The following PRB4 variants were observed in gnomAD, a reference collection of about 807,000 sequenced individuals.
The protein encoded by PRB4 is basic salivary proline-rich protein 4.
In PRB4, 14 loss-of-function variants were observed where a neutral mutation model predicts 9.1. That is an observed-to-expected ratio of 1.54 (90% CI 1.02 to 2.41). PRB4 has a LOEUF of 2.41. PRB4 is among the 30% of genes most tolerant of loss of function. The pLI, the probability that PRB4 is intolerant of heterozygous loss-of-function variation, is 0.00. For synonymous variants in PRB4, 102 were observed against 108.5 expected, an observed-to-expected ratio of 0.94 and a Z score of 0.37; for missense variants, 381 against 299.3, an observed-to-expected ratio of 1.27 and a Z score of -2.02.
intron 1 of PRB4, among the ~76,000 whole-genome samples, chr12:11,310,121 A>G (rs577348203): frequency 6.6e-6 from 1 of 152,096 alleles, no homozygotes; most frequent in Non-Finnish European, 1.5e-5. Flanking sequence ...TTACCTTCTC[A>G]TTCCCCTGGA....
chr12:11,309,298 A>G, intron 2 of PRB4, 72 bp downstream of exon 2: 2 of 1,609,710 alleles, frequency 1.2e-6, no homozygotes, highest in South Asian at 2.2e-5. Context: ...TGATAAGAAG[A>G]CACTGGAGAA....
rs77336955 is a variant in PRB4, at chr12:11,308,864, C to A, written c.119G>T (p.Arg40Leu). ...FLISGKPEGR[R>L]PQGGNQPQRP... ...TTGGGGCTGGTTTCCTCCTTGTGGG[C>A]GTCGTCCTTCTGGCTTTCCTGGAGG... Residue 40 changes from arginine to leucine, a missense_variant, in exon 3 of 4, where the codon CGC (arginine) becomes CTC (leucine). Transcript: ENST00000279575. 1 of 1,461,400 alleles carries A rather than the reference C, an allele frequency of 6.8e-7. No homozygotes were observed. The highest frequency in any genetic ancestry group is 9.1e-7 in the Non-Finnish European group (1 of 1,096,018). The allele number at this position is 1,461,400 out of a possible 1,614,324, so 90.5% of individuals were successfully genotyped here.
intron 1 of PRB4, among the ~76,000 whole-genome samples, chr12:11,309,627 CTT>C (rs761568423): frequency 6.6e-6 from 1 of 152,134 alleles, no homozygotes; most frequent in Non-Finnish European, 1.5e-5. Context: ...AGAACAGCCC[CTT>C]TTTTTCCTCC....
At position 11,310,377 on chromosome 12, in the gene PRB4, C is replaced by G. The variant is rs747779168; in HGVS notation, c.22G>C (p.Val8Leu). 10 of 1,614,254 alleles carry G rather than the reference C, an allele frequency of 6.2e-6. No homozygotes were observed. The East Asian group carries it at 8.9e-5, about 14-fold the overall frequency. The change falls in exon 1 of 4, where the codon GTG becomes CTG. Residue 8 changes from valine (V) to leucine (L), a missense_variant. Physicochemically the swap from Val to Leu is conservative, Grantham distance 32. This residue lies in a region of PRB4 where 151 missense variants were observed against 105.8 expected (regional missense o/e 1.43). Transcript: ENST00000279575. MLLILLS[V>L]ALLALSSAES... The stretch of plus-strand genomic sequence containing the variant: ...GCTGAGCTCAGGGCCAGCAGGGCCA[C>G]TGACAGCAGAATCAGCAGCATCTCG...
At chr12:11,309,248 T>C in intron 2 of PRB4, 122 bp downstream of exon 2, 1 of 1,526,060 alleles carries the variant, frequency 6.6e-7, no homozygotes, top group Non-Finnish European at 9.0e-7. Flanking sequence ...CCTATATCAT[T>C]AGGGGCAATA....
In PRB4 at chr12:11,309,359, T is replaced by C. The variant is rs762793257; in HGVS notation, c.100+11A>G. The C allele has an allele frequency of 1.2e-6, 2 of 1,613,966 alleles. No homozygotes were observed. Among genetic ancestry groups the C allele is most frequent in the Admixed American group, 1.7e-5 (1 of 59,994 alleles). The stretch of plus-strand genomic sequence containing the variant: ...GGAGTCAAAACAGATTGAGAATGAA[T>C]TGGGATTTACCTGATATTAGGAAGA... On this transcript the variant is annotated intron_variant, in intron 2 of 3. Coordinates refer to ENST00000279575, the MANE Select transcript of PRB4 (RefSeq NM_002723.6).
At chr12:11,309,704 T>C (rs142019852) in intron 1 of PRB4, among the ~76,000 whole-genome samples, 3,100 of 152,316 alleles carry the variant, frequency 0.02, 45 homozygotes, top group Non-Finnish European at 0.035. Context: ...ATGTGATATT[T>C]TGGTGTTCTT....
chr12:11,309,182 A>C (rs576809854), intron 2 of PRB4, among the ~76,000 whole-genome samples, 188 bp downstream of exon 2: 3 of 152,298 alleles, frequency 2.0e-5, no homozygotes, highest in Non-Finnish European at 4.4e-5. Context: ...AGCATCTCTG[A>C]CATTCCATTT....
At chr12:11,310,259 C>T in intron 1 of PRB4, 76 bp downstream of exon 1, 1 of 1,578,838 alleles carries the variant, frequency 6.3e-7, no homozygotes, top group Non-Finnish European at 8.7e-7. Flanking sequence ...TTTCATTCTC[C>T]TCTCTTCCCC....
At chr12:11,309,500 C>A (rs1461240923) in intron 1 of PRB4, 95 bp from the exon 2 acceptor site, 1 of 1,606,080 alleles carries the variant, frequency 6.2e-7, no homozygotes, top group South Asian at 1.1e-5. Flanking sequence ...TCACCACACC[C>A]CATGCATCCC....
intron 3 of PRB4, 87 bp downstream of exon 3, chr12:11,308,134 C>A (rs1862952507): frequency 4.8e-6 from 7 of 1,452,294 alleles, no homozygotes; most frequent in Non-Finnish European, 6.6e-6. Flanking sequence ...AATACAATGT[C>A]AATGGGTTTT....
chr12:11,308,962 G>A (rs921216790), intron 2 of PRB4, 80 bp from the exon 3 acceptor site: 3 of 1,563,790 alleles, frequency 1.9e-6, no homozygotes, highest in South Asian at 2.2e-5. Context: ...ATGGGGAAAT[G>A]CACAAAAATG....
chr12:11,307,291 A>G (rs1215729295), intron 3 of PRB4, 92 bp from the exon 4 acceptor site: 6 of 152,656 alleles, frequency 3.9e-5, no homozygotes, highest in Non-Finnish European at 5.9e-5. Context: ...AGATGAAGAG[A>G]AAAGACCATC....
chr12:11,309,379 G>C lies in PRB4; in HGVS notation c.91C>G (p.Leu31Val). The C allele has an allele frequency of 1.2e-6, 2 of 1,614,138 alleles. No homozygotes were observed. The highest frequency in any genetic ancestry group is 1.7e-6 in the Non-Finnish European group (2 of 1,179,982). The change falls in exon 2 of 4, where the codon CTA (leucine) becomes GTA (valine). Residue 31 changes from leucine to valine, a missense_variant. Physicochemically the swap from Leu to Val is conservative, Grantham distance 32. Transcript: ENST00000279575. ...EDVSQEESLF[L>V]ISGKPEGRRP... ...ATGAATTGGGATTTACCTGATATTA[G>C]GAAGAGAGATTCTTCCTGGCTGACA...
intron 1 of PRB4, among the ~76,000 whole-genome samples, chr12:11,309,655 A>G (rs541353295): frequency 2.0e-5 from 3 of 152,030 alleles, no homozygotes; most frequent in East Asian, 1.9e-4. Flanking sequence ...ATCCCTCAAG[A>G]CTTAATGCTT....
intron 2 of PRB4, 99 bp from the exon 3 acceptor site, chr12:11,308,981 A>T (rs1565780440): frequency 6.6e-7 from 1 of 1,521,290 alleles, no homozygotes; most frequent in African/African-American, 1.4e-5. Context: ...TGAGACCCAG[A>T]TACTAATTTC....
intron 2 of PRB4, 118 bp from the exon 3 acceptor site, chr12:11,309,000 T>G: frequency 6.9e-7 from 1 of 1,445,776 alleles, no homozygotes; most frequent in Non-Finnish European, 9.7e-7. Context: ...TCTTTGCATT[T>G]TCAGTGAAGC....
Position 11,308,242 on chromosome 12 carries a change from C to G in PRB4, c.741G>C (p.Gln247His). The change falls in exon 3 of 4, where the codon CAG becomes CAC. Residue 247 changes from glutamine to histidine, a missense_variant. By Grantham distance (24) the Gln-to-His change is conservative. This residue lies in a region of PRB4 where 204 missense variants were observed against 134.4 expected (regional missense o/e 1.52). Coordinates refer to ENST00000279575, the MANE Select transcript of PRB4 (RefSeq NM_002723.6). ...PRPAQGQQPPQ is the reference protein window; with the variant it reads ...PRPAQGQQPPH ...ATACCTGTCATTGAATCCTAGATTA[C>G]TGGGGAGGCTGTTGTCCCTGGGCAG... The G allele has an allele frequency of 6.2e-7, 1 of 1,610,306 alleles. No homozygotes were observed. Among genetic ancestry groups the G allele is most frequent in the Non-Finnish European group, 8.5e-7 (1 of 1,178,444 alleles).
chr12:11,309,180 T>A (rs1473142950), intron 2 of PRB4, among the ~76,000 whole-genome samples, 190 bp downstream of exon 2: 1 of 152,212 alleles, frequency 6.6e-6, no homozygotes, highest in Non-Finnish European at 1.5e-5. Context: ...CAAGCATCTC[T>A]GACATTCCAT....
Sources: gnomAD v4.1 joint callset for allele counts (sites outside exome capture counted in the v4.1 genomes callset) on GRCh38, gnomAD v4.1.1 for gene constraint, gnomAD v4.1.1 regional missense constraint, MANE v1.5 for transcripts, NCBI Gene and HGNC (gene_info 2026-07-23, HGNC 2026-07-21) for gene names.